Variants in ZNF33A observed in about 807,000 individuals in gnomAD.
ZNF33A encodes the protein zinc finger protein 33A, also known as brain my041 protein.
A neutral mutation model predicts 15.9 loss-of-function variants in ZNF33A; 9 were observed. The observed-to-expected ratio is 0.57, with a 90% CI of 0.34 to 0.99. The LOEUF is 0.99. Ranked by LOEUF, ZNF33A falls within the 50% of genes least tolerant of loss-of-function variation. The pLI is 0.02. For missense variants in ZNF33A, 843 were observed against 941.6 expected, an observed-to-expected ratio of 0.90 and a Z score of 1.37; for synonymous variants, 294 against 324.2, an observed-to-expected ratio of 0.91 and a Z score of 1.00.
At position 38,056,150 on chromosome 10, in the gene ZNF33A, G is replaced by C. The variant is rs773156834; in HGVS notation, c.2026G>C (p.Val676Leu). The change falls in exon 5 of 5, where the codon GTA (valine) becomes CTA (leucine). Residue 676 changes from valine (V) to leucine (L), a missense_variant. By Grantham distance (32) the Val-to-Leu change is conservative (BLOSUM62 1). Coordinates refer to ENST00000432900, the MANE Select transcript of ZNF33A (RefSeq NM_006954.2). ...TAATGAATGTGGAAAATCTTTCTGT[G>C]TAAAATCAGGACTTATTTTCCATGA... The part of the protein sequence containing the change: ...KCNECGKSFC[V>L]KSGLIFHERK... 6.2e-7 allele frequency: 1 copy of C among 1,613,972 alleles called. No homozygotes were observed. The highest frequency in any genetic ancestry group is 1.1e-5 in the South Asian group (1 of 91,070).
At chr10:38,016,113 A>G (rs911829797) in intron 2 of ZNF33A, 1 of 882,666 alleles carries the variant, frequency 1.1e-6, no homozygotes, top group Non-Finnish European at 1.5e-6. Flanking sequence ...TCTGAATTAA[A>G]GGATTAGAAC....
At chr10:38,038,033 A>G (rs567002707) in intron 4 of ZNF33A, among the ~76,000 whole-genome samples, 6 of 152,102 alleles carry the variant, frequency 3.9e-5, no homozygotes, top group Non-Finnish European at 7.4e-5. Flanking sequence ...AATTTCTTCT[A>G]TCATTGTTTT....
chr10:38,067,062 C>A (rs1224819886), downstream of ZNF33A, among the ~76,000 whole-genome samples: 1 of 152,180 alleles, frequency 6.6e-6, no homozygotes, highest in East Asian at 1.9e-4. Flanking sequence ...ATATTGGTTC[C>A]AGGTATCAAT....
At chr10:38,010,908 C>A in intron 1 of ZNF33A, 125 bp downstream of exon 1, 4 of 1,214,372 alleles carry the variant, frequency 3.3e-6, no homozygotes, top group Non-Finnish European at 4.6e-6. Context: ...AAGGCGGGGA[C>A]GGCGGGGCTG....
Position 38,054,987 on chromosome 10 carries a change from C to T in ZNF33A, c.863C>T (p.Ser288Phe). The T allele has an allele frequency of 6.2e-7, 1 of 1,614,062 alleles. No homozygotes were observed. The highest frequency in any genetic ancestry group is 8.5e-7 in the Non-Finnish European group (1 of 1,179,996). ...SDCEKFLCVK[S>F]TLSKPHGVSM... ...TGTGAGAAGTTCTTATGTGTGAAGT[C>T]CACCCTTTCTAAACCTCATGGGGTA... is the stretch of plus-strand genomic sequence containing the variant. The change falls in exon 5 of 5, where the codon TCC becomes TTC. Residue 288 changes from serine (S) to phenylalanine (F), a missense_variant. Transcript: ENST00000432900.
At chr10:38,010,943 C>G (rs1364796055) in intron 1 of ZNF33A, among the ~76,000 whole-genome samples, 160 bp downstream of exon 1, 1 of 152,170 alleles carries the variant, frequency 6.6e-6, no homozygotes, top group Admixed American at 6.5e-5. Flanking sequence ...CGACGCTAGG[C>G]CGGTTCCTCA....
At chr10:38,050,406 A>G (rs2066148472) in intron 4 of ZNF33A, among the ~76,000 whole-genome samples, 1 of 152,258 alleles carries the variant, frequency 6.6e-6, no homozygotes, top group Non-Finnish European at 1.5e-5. Flanking sequence ...CTGTGCAGTC[A>G]CATGTTGCTG....
rs188075350 is a variant in ZNF33A at position 38,010,743 on chromosome 10, C to G, written c.-85C>G. ...GCGGTCCCGGGATTTCAAGGGTCTA[C>G]GCGCTTTTCTATGGCGAATGCAACC... On this transcript the variant is annotated 5_prime_UTR_variant, in exon 1 of 5. Coordinates refer to ENST00000432900, the MANE Select transcript of ZNF33A (RefSeq NM_006954.2). The G allele has an allele frequency of 4.3e-4, 683 of 1,598,444 alleles. 2 individuals are homozygous for G. In the East Asian group the frequency reaches 0.012, roughly 28 times the overall value.
chr10:38,015,999 A>G, intron 2 of ZNF33A: 2 of 1,231,640 alleles, frequency 1.6e-6, no homozygotes, highest in Non-Finnish European at 2.0e-6. Context: ...CCTAGAGGAT[A>G]TCCAGAACAA....
rs544976558 is a variant in ZNF33A, at chr10:38,011,454, G to T, written c.-45+671G>T. The stretch of plus-strand genomic sequence containing the variant: ...ACGAAAAGTAGCCGGGCGTGGTGGC[G>T]CATGCCTGTAATCCCAGCTACTGAG... On this transcript the variant is annotated intron_variant, in intron 1 of 4. Transcript: ENST00000432900. Among the ~76,000 whole-genome samples the T allele has an allele frequency of 6.6e-5, 10 of 152,130 alleles. No individual in the cohort carries two copies. In the South Asian group the frequency reaches 1.2e-3, roughly 19 times the overall value.
chr10:38,022,423 A>G (rs1336809812), intron 4 of ZNF33A, among the ~76,000 whole-genome samples: 1 of 152,066 alleles, frequency 6.6e-6, no homozygotes, highest in African/African-American at 2.4e-5. Context: ...TTGGGAGGCC[A>G]AGGTGGGTGT....
At chr10:38,033,044 G>A (rs921887785) in intron 4 of ZNF33A, among the ~76,000 whole-genome samples, 11 of 152,118 alleles carry the variant, frequency 7.2e-5, no homozygotes, top group Non-Finnish European at 1.0e-4. Flanking sequence ...CACTGCGTCC[G>A]GCTGACAGTG....
chr10:38,047,923 TCAGAGA>T (rs1467883801), intron 4 of ZNF33A, among the ~76,000 whole-genome samples: 2 of 152,070 alleles, frequency 1.3e-5, no homozygotes, highest in Non-Finnish European at 2.9e-5. Context: ...CTCAAAGCAG[TCAGAGA>T]CAAAGGACAT....
intron 4 of ZNF33A, among the ~76,000 whole-genome samples, chr10:38,031,719 C>A (rs2065220590): frequency 6.6e-6 from 1 of 151,956 alleles, no homozygotes; most frequent in Admixed American, 6.6e-5. Flanking sequence ...AACCCCAGCA[C>A]TTTGGGAGGC....
At chr10:38,019,410 A>C (rs554400886) in intron 4 of ZNF33A, among the ~76,000 whole-genome samples, 3 of 152,260 alleles carry the variant, frequency 2.0e-5, no homozygotes, top group Non-Finnish European at 4.4e-5. Context: ...GTTGGTTCCA[A>C]GTCTTTGCTA....
intron 2 of ZNF33A, among the ~76,000 whole-genome samples, chr10:38,015,388 G>T (rs533109962): frequency 6.6e-6 from 1 of 151,928 alleles, no homozygotes; most frequent in Non-Finnish European, 1.5e-5. Flanking sequence ...TCACTGCAAC[G>T]TCTGCCTCCC....
chr10:38,056,067 A>G lies in ZNF33A; in HGVS notation c.1943A>G (p.His648Arg), dbSNP rs377700471. 1 of 1,614,172 alleles carries G rather than the reference A, an allele frequency of 6.2e-7. No homozygotes were observed. The highest frequency in any genetic ancestry group is 1.1e-5 in the South Asian group (1 of 91,086). Residue 648 changes from histidine (H) to arginine (R), a missense_variant, in exon 5 of 5, where the codon CAT (histidine) becomes CGT (arginine). By Grantham distance (29) the His-to-Arg change is conservative (BLOSUM62 0). Coordinates refer to ENST00000432900, the MANE Select transcript of ZNF33A (RefSeq NM_006954.2). ...AATGAGTGTGGAAAAGCTTTCTGCC[A>G]TAAGTCAGCTCTAATTGTACATCAG... ...KCNECGKAFCHKSALIVHQRT... is the reference protein window; with the variant it reads ...KCNECGKAFCRKSALIVHQRT...
At chr10:38,050,839 A>G (rs2066169148) in intron 4 of ZNF33A, among the ~76,000 whole-genome samples, 1 of 152,200 alleles carries the variant, frequency 6.6e-6, no homozygotes, top group Non-Finnish European at 1.5e-5. Context: ...CATTGTCAGT[A>G]AAGTATTAGA....
downstream of ZNF33A, among the ~76,000 whole-genome samples, chr10:38,061,315 G>A (rs940872359): frequency 1.3e-5 from 2 of 152,182 alleles, no homozygotes; most frequent in Middle Eastern, 3.2e-3. Context: ...CACCACACAT[G>A]CTTTCCTGAC....
Sources: gnomAD v4.1 joint callset for allele counts (sites outside exome capture counted in the v4.1 genomes callset) on GRCh38, gnomAD v4.1.1 for gene constraint, MANE v1.5 for transcripts, NCBI Gene and HGNC (gene_info 2026-07-23, HGNC 2026-07-21) for gene names.